AFTPH: variants seen among roughly 807,000 people sequenced by gnomAD.
AFTPH encodes the protein aftiphilin, also known as aftiphilin protein.
In AFTPH, 7 loss-of-function variants were observed where a neutral mutation model predicts 72.5. The ratio of observed to expected loss-of-function variants is 0.10; its 90% CI spans 0.05 to 0.18. The LOEUF is 0.18. AFTPH is among the 10% of genes least tolerant of loss of function. AFTPH has a pLI of 1.00. For missense variants in AFTPH, 979 were observed against 1,060.5 expected, an observed-to-expected ratio of 0.92 and a Z score of 1.07; for synonymous variants, 337 against 370.1, an observed-to-expected ratio of 0.91 and a Z score of 1.03.
intron 2 of AFTPH, among the ~76,000 whole-genome samples, chr2:64,555,603 CTTTCTTGGA>C (rs1285903699): frequency 4.1e-5 from 6 of 145,454 alleles, no homozygotes; most frequent in African/African-American, 1.3e-4. Flanking sequence ...ACACACAAGA[CTTTCTTGGA>C]TTTGTTTGGC....
At chr2:64,545,681 T>TA (rs1293276575) in intron 1 of AFTPH, among the ~76,000 whole-genome samples, 5 of 131,434 alleles carry the variant, frequency 3.8e-5, no homozygotes, top group Non-Finnish European at 7.7e-5. Flanking sequence ...TGAAAAAAAT[T>TA]CAGCCTCAAA....
At chr2:64,580,301 A>G (rs1196989298) in intron 7 of AFTPH, 8 of 152,676 alleles carry the variant, frequency 5.2e-5, no homozygotes, top group Admixed American at 2.6e-4. Flanking sequence ...CTAAACACCT[A>G]TCATTGTCTA....
chr2:64,589,953 G>A (rs955542065), intron 8 of AFTPH, among the ~76,000 whole-genome samples: 18 of 150,034 alleles, frequency 1.2e-4, no homozygotes, highest in African/African-American at 4.4e-4. Flanking sequence ...ATGGGGGGGG[G>A]GGGGGGGTTT....
chr2:64,524,439 G>A (rs531286540), exon 1 of AFTPH: 5 of 402,998 alleles, frequency 1.2e-5, no homozygotes, highest in Non-Finnish European at 2.2e-5. Context: ...GGGTCCCGCG[G>A]CAGCGGTGAA....
chr2:64,559,951 G>C (rs1671618791), intron 2 of AFTPH, among the ~76,000 whole-genome samples: 2 of 152,136 alleles, frequency 1.3e-5, no homozygotes, highest in African/African-American at 4.8e-5. Context: ...CAATCTGCCT[G>C]CCTCTGCCTC....
At position 64,581,280 on chromosome 2, in the gene AFTPH, A is replaced by C. The variant is rs370067173; in HGVS notation, c.2455+1734A>C. On this transcript the variant is annotated intron_variant, in intron 7 of 8. Coordinates refer to ENST00000238856, the Ensembl canonical transcript of AFTPH. ...AGCAGCACCACAATCCCAGGTCAGCAGAGTGTTAAAACCACAATTCCAGTT... is the reference window on the plus strand; with the variant it reads ...AGCAGCACCACAATCCCAGGTCAGCCGAGTGTTAAAACCACAATTCCAGTT... 1.3e-6 allele frequency: 2 copies of C among 1,581,888 alleles called. No homozygotes were observed. Among genetic ancestry groups the C allele is most frequent in the East Asian group, 2.3e-5 (1 of 43,396 alleles).
exon 9 of AFTPH, chr2:64,592,343 C>G (rs1225873463): frequency 5.4e-6 from 1 of 186,208 alleles, no homozygotes; most frequent in Non-Finnish European, 1.1e-5. Context: ...TCTTACAAAA[C>G]TTTTGAAATA....
intron 8 of AFTPH, among the ~76,000 whole-genome samples, chr2:64,586,250 A>G (rs1384739960): frequency 6.6e-6 from 1 of 152,262 alleles, no homozygotes; most frequent in Non-Finnish European, 1.5e-5. Flanking sequence ...GGAAATCACT[A>G]GTGCAAAAGC....
Position 64,585,403 on chromosome 2 carries a change from T to C in AFTPH, c.2456-19T>C. 1 of 1,612,686 alleles carries C rather than the reference T, an allele frequency of 6.2e-7. No individual in the cohort carries two copies. The highest frequency in any genetic ancestry group is 8.5e-7 in the Non-Finnish European group (1 of 1,179,728). On this transcript the variant is annotated intron_variant, in intron 7 of 8. Coordinates refer to ENST00000238856, the Ensembl canonical transcript of AFTPH. ...CCCATTGCAGCCTGCCATCACTGAC[T>C]ATCATTTTATACTATAAGGTGTGGA...
chr2:64,586,654 A>G (rs1442760196), intron 8 of AFTPH, among the ~76,000 whole-genome samples: 3 of 152,196 alleles, frequency 2.0e-5, no homozygotes, highest in Admixed American at 2.0e-4. Flanking sequence ...GCTTTGTAGC[A>G]TGTAAATCCT....
chr2:64,545,688 C>T (rs1670562422), intron 1 of AFTPH, among the ~76,000 whole-genome samples: 1 of 124,676 alleles, frequency 8.0e-6, no homozygotes. Context: ...AATTCAGCCT[C>T]AAAGGGTTGC....
chr2:64,553,289 A>G (rs778831869), exon 2 of AFTPH: 1 of 1,614,026 alleles, frequency 6.2e-7, no homozygotes, highest in Middle Eastern at 1.6e-4. Flanking sequence ...CCTGGCAGTC[A>G]CATAGGACAG....
At chr2:64,553,115 T>C in exon 2 of AFTPH, 6 of 1,614,220 alleles carry the variant, frequency 3.7e-6, no homozygotes, top group Non-Finnish European at 5.1e-6. Flanking sequence ...ATATTCAGGA[T>C]GACTGCAATG....
At chr2:64,538,208 G>A (rs1027980373) in intron 1 of AFTPH, among the ~76,000 whole-genome samples, 2 of 151,886 alleles carry the variant, frequency 1.3e-5, no homozygotes, top group Non-Finnish European at 1.5e-5. Flanking sequence ...TTTATATGAC[G>A]GGCCAATTCT....
chr2:64,560,337 T>C (rs1032856368), intron 2 of AFTPH, among the ~76,000 whole-genome samples: 6 of 152,084 alleles, frequency 3.9e-5, no homozygotes, highest in African/African-American at 7.3e-5. Flanking sequence ...AATTAAACCA[T>C]TGGGTAATCA....
chr2:64,524,478 G>T (rs905784735), exon 1 of AFTPH: 3 of 401,348 alleles, frequency 7.5e-6, no homozygotes, highest in East Asian at 7.1e-5. Context: ...TGGTGCTGCT[G>T]CGCTGACAGG....
exon 4 of AFTPH, chr2:64,569,170 T>C (rs1672269909): frequency 6.2e-7 from 1 of 1,613,918 alleles, no homozygotes; most frequent in African/African-American, 1.3e-5. Context: ...GCGGCTCCCA[T>C]AGCAACAAGA....
At chr2:64,577,577 A>G (rs527671515) in intron 6 of AFTPH, among the ~76,000 whole-genome samples, 3 of 152,306 alleles carry the variant, frequency 2.0e-5, no homozygotes, top group Non-Finnish European at 4.4e-5. Context: ...GATTTTGTCC[A>G]TTCATTCAGT....
chr2:64,539,376 GT>G (rs146202054), intron 1 of AFTPH, among the ~76,000 whole-genome samples: 1 of 152,076 alleles, frequency 6.6e-6, no homozygotes, highest in African/African-American at 2.4e-5. Flanking sequence ...TTTAGCTAGG[GT>G]TTTTTGCAGC....
Sources: allele counts gnomAD v4.1 joint callset (sites outside exome capture counted in the v4.1 genomes callset), GRCh38; gene constraint gnomAD v4.1.1; transcripts MANE v1.5; gene names NCBI Gene and HGNC (gene_info 2026-07-23, HGNC 2026-07-21).